The following WASF3 variants were observed in gnomAD, a reference collection of about 807,000 sequenced individuals.
WASF3 encodes actin-binding protein WASF3.
A neutral mutation model predicts 46.6 loss-of-function variants in WASF3; 11 were observed. The observed-to-expected ratio is 0.24, with a 90% CI of 0.15 to 0.39. WASF3 has a LOEUF of 0.39. Ranked by LOEUF, WASF3 falls within the 10% of genes least tolerant of loss-of-function variation. The pLI is 1.00. For missense variants in WASF3, 576 were observed against 669.8 expected (o/e 0.86, Z 1.55); for synonymous variants, 242 against 259.7 (o/e 0.93, Z 0.65).
chr13:26,665,496 CAG>C (rs1400712199), intron 4 of WASF3, among the ~76,000 whole-genome samples: 7 of 152,208 alleles, frequency 4.6e-5, no homozygotes, highest in Non-Finnish European at 8.8e-5. Flanking sequence ...CTAAAACTTA[CAG>C]AGCCACTCTA....
At chr13:26,554,429 C>A (rs1207807361), upstream of WASF3, among the ~76,000 whole-genome samples, 1 of 151,926 alleles carries the variant, frequency 6.6e-6, no homozygotes, top group African/African-American at 2.4e-5. Context: ...CTGCACATAG[C>A]CCAAAAACTT....
chr13:26,563,704 C>T (rs1281396321), intron 1 of WASF3, among the ~76,000 whole-genome samples: 1 of 143,552 alleles, frequency 7.0e-6, no homozygotes, highest in Non-Finnish European at 1.5e-5. Flanking sequence ...ACTTAGATTT[C>T]AGCCTTAATC....
chr13:26,663,200 G>T (rs1593177365), intron 3 of WASF3, among the ~76,000 whole-genome samples: 2 of 152,142 alleles, frequency 1.3e-5, no homozygotes, highest in African/African-American at 4.8e-5. Flanking sequence ...TTTTAACATG[G>T]GGATGCAGGT....
rs111547306 is a variant in WASF3 at position 26,676,794 on chromosome 13, T to G, written c.716+70T>G. The G allele has an allele frequency of 6.2e-6, 9 of 1,454,458 alleles. No individual in the cohort carries two copies. In the African/African-American group the frequency reaches 1.0e-4, roughly 16 times the overall value. 90.1% of individuals were successfully genotyped at this position (1,454,458 alleles called of 1,614,324 possible). ...TGGGTACTACCTGGTTTTATTATCA[T>G]TTGAAATGCATCAATAGCTTCGGGG... On this transcript the variant is annotated intron_variant, in intron 7 of 9. Coordinates refer to ENST00000335327, the MANE Select transcript of WASF3 (RefSeq NM_006646.6).
At chr13:26,660,413 A>G (rs12868998) in intron 3 of WASF3, among the ~76,000 whole-genome samples, 48,547 of 151,700 alleles carry the variant, frequency 0.32, 9,030 homozygotes, top group Non-Finnish European at 0.42. Flanking sequence ...GCACTGGGCC[A>G]TGCCAGAGAG....
At chr13:26,658,453 G>A (rs1158372740) in intron 3 of WASF3, among the ~76,000 whole-genome samples, 1 of 152,152 alleles carries the variant, frequency 6.6e-6, no homozygotes, top group Non-Finnish European at 1.5e-5. Context: ...GGCGTTTCCA[G>A]GCCCAGTCAC....
At chr13:26,568,420 G>A (rs1409681873) in intron 1 of WASF3, among the ~76,000 whole-genome samples, 1 of 152,126 alleles carries the variant, frequency 6.6e-6, no homozygotes, top group African/African-American at 2.4e-5. Context: ...AAGCAAAGGT[G>A]CCCTGGGATG....
In WASF3 at chr13:26,688,493, A is replaced by ATT. The variant is rs1883479766; in HGVS notation, c.*2648_*2649insTT. The ATT allele has an allele frequency of 6.6e-6, 1 of 152,268 alleles. No individual in the cohort carries two copies. Among genetic ancestry groups the ATT allele is most frequent in the Admixed American group, 6.5e-5 (1 of 15,278 alleles). The allele number at this position is 152,268 out of a possible 1,614,324, so 9.4% of individuals were successfully genotyped here. A position where few individuals can be genotyped will look rare whatever the true frequency, so the allele number is the denominator to read the frequency against. ...TGCCCAGTCCCCGATGGCTGCGCAC[A>ATT]CAGGAGGCGGCGGAGCACAAGGCAA... is the stretch of plus-strand genomic sequence containing the variant. On this transcript the variant is annotated 3_prime_UTR_variant, in exon 10 of 10. Transcript: ENST00000335327.
At chr13:26,676,815 C>G in intron 7 of WASF3, 91 bp downstream of exon 7, 6 of 1,310,346 alleles carry the variant, frequency 4.6e-6, no homozygotes, top group Non-Finnish European at 5.1e-6. Context: ...TCAATAGCTT[C>G]GGGGTTTATA....
At chr13:26,573,673 C>T (rs1399549205) in intron 1 of WASF3, among the ~76,000 whole-genome samples, 13 of 151,914 alleles carry the variant, frequency 8.6e-5, no homozygotes, top group Admixed American at 2.6e-4. Context: ...GATTTAATTA[C>T]TAGTATTATT....
chr13:26,596,985 A>T (rs1004339378), intron 1 of WASF3, among the ~76,000 whole-genome samples: 2 of 152,138 alleles, frequency 1.3e-5, no homozygotes, highest in African/African-American at 4.8e-5. Context: ...GCTCATGTTC[A>T]CCTGCTCATC....
rs56864690 is a variant in WASF3 at position 26,635,760 on chromosome 13, T to C, written c.-10-6501T>C. The stretch of plus-strand genomic sequence containing the variant: ...AACAGTCAGGTCCCTCAGCTGCAGG[T>C]CTGTTGGAGTTTGCTGGCACTCCAC... On this transcript the variant is annotated intron_variant, in intron 2 of 9. Transcript: ENST00000335327. Among the ~76,000 whole-genome samples, 47 of 152,350 alleles carry C rather than the reference T, an allele frequency of 3.1e-4. 1 individual carries two copies. In the East Asian group the frequency reaches 6.6e-3, roughly 21 times the overall value.
At chr13:26,650,237 C>T (rs763511357) in intron 3 of WASF3, among the ~76,000 whole-genome samples, 1 of 152,062 alleles carries the variant, frequency 6.6e-6, no homozygotes, top group Non-Finnish European at 1.5e-5. Flanking sequence ...TGAGGGGAAG[C>T]GGGAGTGAGA....
At position 26,681,276 on chromosome 13, in the gene WASF3, A is replaced by G. The variant is rs1265650288; in HGVS notation, c.939A>G (p.Pro313=). Residue 313 remains proline, a synonymous_variant, in exon 8 of 10, where the codon CCA becomes CCG. Coordinates refer to ENST00000335327, the MANE Select transcript of WASF3 (RefSeq NM_006646.6). ...CCCCCCCGCCTCCCCCTCAGGCCCC[A>G]GAGGGGTCCCAGGCCTCTGCACCGA... is the stretch of plus-strand genomic sequence containing the variant. ...QPPPPPPPQA[P]EGSQASAPMA... is the part of the protein sequence containing the mutation. 2 of 1,557,656 alleles carry G rather than the reference A, an allele frequency of 1.3e-6. No homozygotes were observed. The highest frequency in any genetic ancestry group is 2.8e-5 in the African/African-American group (2 of 72,384).
the WASF3 span, among the ~76,000 whole-genome samples, chr13:26,549,215 C>T: frequency 1.6e-4 from 24 of 152,124 alleles, no homozygotes; most frequent in East Asian, 4.7e-3. Flanking sequence ...CTCCTGACCT[C>T]ATGATCCACC....
intron 1 of WASF3, among the ~76,000 whole-genome samples, chr13:26,573,632 T>G (rs918216546): frequency 6.6e-6 from 1 of 152,200 alleles, no homozygotes; most frequent in Non-Finnish European, 1.5e-5. Flanking sequence ...GAAAGGCTTT[T>G]TTGTTCTTAA....
chr13:26,583,954 A>G (rs371568032), intron 1 of WASF3, among the ~76,000 whole-genome samples: 23 of 152,212 alleles, frequency 1.5e-4, no homozygotes, highest in African/African-American at 5.3e-4. Flanking sequence ...TGAAAACTCA[A>G]TTCAGTGAAG....
intron 1 of WASF3, among the ~76,000 whole-genome samples, chr13:26,578,513 G>A (rs776384278): frequency 1.4e-4 from 22 of 152,132 alleles, no homozygotes; most frequent in Non-Finnish European, 2.4e-4. Context: ...ATGAGCTGCC[G>A]ATCACAGTAA....
At chr13:26,562,475 C>T (rs969995199) in intron 1 of WASF3, among the ~76,000 whole-genome samples, 11 of 151,964 alleles carry the variant, frequency 7.2e-5, no homozygotes, top group Non-Finnish European at 1.5e-4. Context: ...GACAGCAATG[C>T]TCAAGAAATT....
Sources: gnomAD v4.1 joint callset for allele counts (sites outside exome capture counted in the v4.1 genomes callset) on GRCh38, gnomAD v4.1.1 for gene constraint, MANE v1.5 for transcripts, NCBI Gene and HGNC (gene_info 2026-07-23, HGNC 2026-07-21) for gene names.